The following CACNA1E variants were observed in gnomAD, a reference collection of about 807,000 sequenced individuals.
CACNA1E encodes the protein calcium voltage-gated channel subunit alpha1 E.
In CACNA1E, 40 loss-of-function variants were observed where a neutral mutation model predicts 259.2. The ratio of observed to expected loss-of-function variants is 0.15; its 90% CI spans 0.12 to 0.20. The LOEUF is 0.20. Among genes scored for constraint, CACNA1E ranks in the 10% least tolerant of loss-of-function variants. The pLI is 1.00. For missense variants in CACNA1E, 1,874 were observed against 3,040.1 expected, an observed-to-expected ratio of 0.62 and a Z score of 9.02; for synonymous variants, 1,104 against 1,138.5, an observed-to-expected ratio of 0.97 and a Z score of 0.61.
At position 181,527,387 on chromosome 1, in the gene CACNA1E, G is replaced by A. The variant is rs1021633359; in HGVS notation, c.512+15877G>A. Among the ~76,000 whole-genome samples, 8 of 152,166 alleles carry A rather than the reference G, an allele frequency of 5.3e-5. No homozygotes were observed. The South Asian group carries it at 6.2e-4, about 12-fold the overall frequency. ...GGCTGAACCTCCAAATATCACATTG[G>A]GGATTAGGTTTCAACATATGGATTT... On this transcript the variant is annotated intron_variant, in intron 3 of 47. Coordinates refer to ENST00000367573, the MANE Select transcript of CACNA1E (RefSeq NM_001205293.3).
rs1350949567 is a variant in CACNA1E at position 181,717,086 on chromosome 1, C to G, written c.1316-7C>G. The G allele has an allele frequency of 6.2e-7, 1 of 1,612,900 alleles. No homozygotes were observed. The highest frequency in any genetic ancestry group is 8.5e-7 in the Non-Finnish European group (1 of 1,178,956). On this transcript the variant is annotated splice_polypyrimidine_tract_variant and splice_region_variant and intron_variant, in intron 10 of 47. Coordinates refer to ENST00000367573, the MANE Select transcript of CACNA1E (RefSeq NM_001205293.3). ...CAGTCTCATTCTTCCTTACTTCTCC[C>G]TCTTAGGCACACCTCTGGCCCGAGC... is the stretch of plus-strand genomic sequence containing the variant.
chr1:181,647,253 A>G (rs2102037889), intron 6 of CACNA1E, among the ~76,000 whole-genome samples: 1 of 152,176 alleles, frequency 6.6e-6, no homozygotes, highest in East Asian at 1.9e-4. Context: ...GCTGCTCCAC[A>G]GTAGAGGTCT....
intron 6 of CACNA1E, among the ~76,000 whole-genome samples, chr1:181,650,036 A>T (rs1658619832): frequency 1.3e-5 from 2 of 152,232 alleles, no homozygotes; most frequent in African/African-American, 4.8e-5. Context: ...TGGATGAATC[A>T]ACTATACAGT....
intron 6 of CACNA1E, among the ~76,000 whole-genome samples, chr1:181,599,838 A>G (rs768160863): frequency 2.6e-5 from 4 of 152,216 alleles, no homozygotes; most frequent in Non-Finnish European, 4.4e-5. Flanking sequence ...TTCCAATTGC[A>G]TTTTTTTAAT....
At chr1:181,337,194 C>T (rs1424037351) in intron 1 of CACNA1E, among the ~76,000 whole-genome samples, 13 of 148,862 alleles carry the variant, frequency 8.7e-5, no homozygotes, top group East Asian at 3.9e-4. Context: ...CTCACTCTGT[C>T]GCCCAGGCTG....
intron 6 of CACNA1E, among the ~76,000 whole-genome samples, chr1:181,640,804 GGTTTCTAATCTCCTATTA>G (rs1657678164): frequency 6.6e-6 from 1 of 152,164 alleles, no homozygotes; most frequent in African/African-American, 2.4e-5. Flanking sequence ...AATGCCAGCA[GGTTTCTAATCTCCTATTA>G]GTAAACAACA....
At chr1:181,392,597 G>C (rs966556530) in intron 1 of CACNA1E, among the ~76,000 whole-genome samples, 3 of 152,208 alleles carry the variant, frequency 2.0e-5, no homozygotes, top group Non-Finnish European at 4.4e-5. Flanking sequence ...ATCTGTGGAA[G>C]GGAAATGTAT....
At chr1:181,738,331 A>G (rs1656251583) in intron 23 of CACNA1E, 36 bp from the exon 24 acceptor site, 1 of 1,587,628 alleles carries the variant, frequency 6.3e-7, no homozygotes. Flanking sequence ...TGTTGGCCAC[A>G]CATGGTCATT....
chr1:181,650,484 T>C (rs1658658816), intron 6 of CACNA1E, among the ~76,000 whole-genome samples: 1 of 152,206 alleles, frequency 6.6e-6, no homozygotes, highest in Non-Finnish European at 1.5e-5. Flanking sequence ...TTCGAGGTGC[T>C]GTCAGGGGAG....
chr1:181,498,663 T>A (rs1664989554), intron 1 of CACNA1E, among the ~76,000 whole-genome samples: 1 of 152,174 alleles, frequency 6.6e-6, no homozygotes, highest in South Asian at 2.1e-4. Flanking sequence ...GAAACTTGAA[T>A]CAAACTCACA....
At chr1:181,784,182 ATGAT>A (rs1315407085) in intron 40 of CACNA1E, among the ~76,000 whole-genome samples, 3 of 152,120 alleles carry the variant, frequency 2.0e-5, no homozygotes, top group African/African-American at 7.2e-5. Context: ...TTGATTTCTA[ATGAT>A]TGATTTAGGA....
chr1:181,767,158 C>G (rs974432360), intron 35 of CACNA1E, among the ~76,000 whole-genome samples: 1 of 152,162 alleles, frequency 6.6e-6, no homozygotes, highest in African/African-American at 2.4e-5. Context: ...CCTGGCAGCC[C>G]GTTCATTCCT....
At chr1:181,458,872 C>T (rs140389564) in intron 2 of CACNA1E, among the ~76,000 whole-genome samples, 1 of 144,122 alleles carries the variant, frequency 6.9e-6, no homozygotes, top group African/African-American at 2.7e-5. Flanking sequence ...CATCCATCCA[C>T]CCATCCATTT....
At chr1:181,560,217 C>T (rs1373259676) in intron 3 of CACNA1E, among the ~76,000 whole-genome samples, 1 of 150,990 alleles carries the variant, frequency 6.6e-6, no homozygotes, top group Non-Finnish European at 1.5e-5. Flanking sequence ...ATACTGCAAA[C>T]AACCTTGCTT....
chr1:181,591,366 T>A (rs949029419), intron 6 of CACNA1E, among the ~76,000 whole-genome samples: 2 of 152,214 alleles, frequency 1.3e-5, no homozygotes, highest in African/African-American at 4.8e-5. Flanking sequence ...ATGTAAGTGA[T>A]CACACTATTA....
chr1:181,573,543 G>A (rs1404303671), intron 3 of CACNA1E, among the ~76,000 whole-genome samples: 1 of 152,090 alleles, frequency 6.6e-6, no homozygotes, highest in Non-Finnish European at 1.5e-5. Flanking sequence ...AGATCCCACG[G>A]GACAGGATCT....
At chr1:181,661,626 C>T (rs969725882) in intron 7 of CACNA1E, among the ~76,000 whole-genome samples, 2 of 152,156 alleles carry the variant, frequency 1.3e-5, no homozygotes, top group African/African-American at 4.8e-5. Context: ...TTGGCCAGTT[C>T]ACAGGAGTAG....
At chr1:181,406,216 T>G (rs1411015657) in intron 1 of CACNA1E, among the ~76,000 whole-genome samples, 1 of 152,212 alleles carries the variant, frequency 6.6e-6, no homozygotes, top group African/African-American at 2.4e-5. Flanking sequence ...GACAGTGATA[T>G]TGGAGAGAAA....
At chr1:181,596,455 G>C (rs191374779) in intron 6 of CACNA1E, among the ~76,000 whole-genome samples, 1 of 152,178 alleles carries the variant, frequency 6.6e-6, no homozygotes, top group Non-Finnish European at 1.5e-5. Context: ...TAGAGGGCAG[G>C]TGTACAAGGA....
Sources: gnomAD v4.1 joint callset for allele counts (sites outside exome capture counted in the v4.1 genomes callset) on GRCh38, gnomAD v4.1.1 for gene constraint, MANE v1.5 for transcripts, NCBI Gene and HGNC (gene_info 2026-07-23, HGNC 2026-07-21) for gene names.